The following GRAMD4 variants were observed in gnomAD, a reference collection of about 807,000 sequenced individuals.
GRAMD4 encodes the protein GRAM domain containing 4.
A neutral mutation model predicts 83.9 loss-of-function variants in GRAMD4; 25 were observed. That is an observed-to-expected ratio of 0.30 (90% CI 0.22 to 0.42). The LOEUF is 0.42. GRAMD4 is among the 10% of genes least tolerant of loss of function. The pLI, the probability that GRAMD4 is intolerant of heterozygous loss-of-function variation, is 1.00. For missense variants in GRAMD4, 593 were observed against 788.7 expected (o/e 0.75, Z 2.97); for synonymous variants, 336 against 320.9 (o/e 1.05, Z -0.50).
At chr22:46,673,560 C>G in intron 14 of GRAMD4, 110 bp from the exon 15 acceptor site, 1 of 1,370,146 alleles carries the variant, frequency 7.3e-7, no homozygotes, top group South Asian at 1.3e-5. Flanking sequence ...TCGGGAACGT[C>G]TTCCCAAATT....
chr22:46,674,218 CA>C (rs1381290131), intron 15 of GRAMD4, among the ~76,000 whole-genome samples: 2 of 152,188 alleles, frequency 1.3e-5, no homozygotes, highest in Admixed American at 6.5e-5. Context: ...TCAGCTTTCC[CA>C]AAGGGAGGGC....
chr22:46,590,327 G>C (rs961597947), intron 1 of GRAMD4, among the ~76,000 whole-genome samples: 1 of 152,138 alleles, frequency 6.6e-6, no homozygotes, highest in Non-Finnish European at 1.5e-5. Context: ...AAGGTGGCTA[G>C]TGGGTGGGGT....
At chr22:46,645,833 T>G (rs1275859296) in intron 3 of GRAMD4, among the ~76,000 whole-genome samples, 1 of 152,244 alleles carries the variant, frequency 6.6e-6, no homozygotes, top group Non-Finnish European at 1.5e-5. Flanking sequence ...TGCATTTCGG[T>G]TGCTAGTGCT....
At chr22:46,643,084 T>C (rs867426863) in intron 3 of GRAMD4, among the ~76,000 whole-genome samples, 23 of 76,408 alleles carry the variant, frequency 3.0e-4, no homozygotes, top group South Asian at 5.6e-4. Context: ...TCTATCCATT[T>C]ATCCATCCAT....
rs1010373561 is a variant in GRAMD4, at chr22:46,625,643, G to A, written c.-49-1108G>A. Among the ~76,000 whole-genome samples, 10 of 152,392 alleles carry A rather than the reference G, an allele frequency of 6.6e-5. No homozygotes were observed. The South Asian group carries it at 8.3e-4, about 13-fold the overall frequency. ...GGTGTGTACAGAGCAGTCCTCCCAC[G>A]GGGACCCAGTTGTCTTGGACAAGTT... On this transcript the variant is annotated intron_variant, in intron 1 of 18. Transcript: ENST00000406902.
chr22:46,629,064 C>G (rs2081723962), intron 2 of GRAMD4, among the ~76,000 whole-genome samples: 1 of 151,950 alleles, frequency 6.6e-6, no homozygotes, highest in Non-Finnish European at 1.5e-5. Flanking sequence ...TGGACTGGGG[C>G]CCCCCTTCCT....
At position 46,582,950 on chromosome 22, in the gene GRAMD4, G is replaced by A. The variant is rs541636472; in HGVS notation, c.-50+5660G>A. Among the ~76,000 whole-genome samples the A allele has an allele frequency of 8.6e-4, 131 of 152,280 alleles. 1 individual carries two copies. The highest frequency in any genetic ancestry group is 1.5e-3 in the Non-Finnish European group (99 of 68,034). On this transcript the variant is annotated intron_variant, in intron 1 of 1. Transcript: ENST00000431155. ...TCTCTCTTTTGTCTTTTGAGATGGA[G>A]TTTCGCTCTTGTTGCCCAGGCTGGA...
intron 2 of GRAMD4, among the ~76,000 whole-genome samples, chr22:46,637,201 C>T (rs2081903498): frequency 6.6e-6 from 1 of 151,806 alleles, no homozygotes; most frequent in Non-Finnish European, 1.5e-5. Context: ...CCTCTGCAGC[C>T]TGAGGAGATC....
intron 1 of GRAMD4, among the ~76,000 whole-genome samples, chr22:46,598,070 C>G (rs1035616892): frequency 7.2e-5 from 11 of 152,182 alleles, no homozygotes; most frequent in African/African-American, 1.7e-4. Context: ...CAACCTCCAC[C>G]TCCTGGGTTC....
downstream of GRAMD4, chr22:46,679,822 G>A (rs890902835): frequency 1.7e-5 from 17 of 982,402 alleles, no homozygotes; most frequent in South Asian, 9.4e-5. Flanking sequence ...AGGGCCACAC[G>A]CATTGTAGGC....
At position 46,641,392 on chromosome 22, in the gene GRAMD4, T is replaced by TAAGGAAGG. The variant is rs61099873; in HGVS notation, c.283+3455_283+3462dup. 4.0e-5 allele frequency among the ~76,000 whole-genome samples: 6 copies of TAAGGAAGG among 150,188 alleles called. No homozygotes were observed. The South Asian group carries it at 6.4e-4, about 16-fold the overall frequency. On this transcript the variant is annotated intron_variant, in intron 3 of 18. Coordinates refer to ENST00000406902, the MANE Select transcript of GRAMD4 (RefSeq NM_015124.5). ...GCGGCCCCATCTCTAAATAAATAAA[T>TAAGGAAGG]AAGGAAGGAAGGAAGGAAGGAAGGA...
rs572978488 is a variant in GRAMD4 at position 46,593,015 on chromosome 22, C to T, written c.-50+15725C>T. Among the ~76,000 whole-genome samples, 217 of 152,138 alleles carry T rather than the reference C, an allele frequency of 1.4e-3. 2 individuals are homozygous for T. The highest frequency in any genetic ancestry group is 4.5e-3 in the African/African-American group (185 of 41,500). ...ATAACCTAAATTAGAACTCTCCATG[C>T]GGGCTTTCAGAAAAGAAAGCATTTG... On this transcript the variant is annotated intron_variant, in intron 1 of 1. Transcript: ENST00000431155.
In GRAMD4 at chr22:46,677,164, C is replaced by T; in HGVS notation, c.1650C>T (p.Ala550=). 6.2e-7 allele frequency: 1 copy of T among 1,613,694 alleles called. No individual in the cohort carries two copies. Among genetic ancestry groups the T allele is most frequent in the Non-Finnish European group, 8.5e-7 (1 of 1,179,924 alleles). Residue 550 remains alanine, a synonymous_variant, in exon 19 of 19, where the codon GCC becomes GCT. Transcript: ENST00000406902. ...PSTQKPLVFG[A]MVHRDEAFET... is the part of the protein sequence containing the mutation. Reference sequence around the variant, plus strand: ...CCTGCCAGCCGCTCGTGTTTGGTGCCATGGTGCACAGGGATGAGGCCTTCG... The same window carrying T: ...CCTGCCAGCCGCTCGTGTTTGGTGCTATGGTGCACAGGGATGAGGCCTTCG...
At chr22:46,613,534 C>T (rs1380894444) in intron 1 of GRAMD4, among the ~76,000 whole-genome samples, 2 of 152,210 alleles carry the variant, frequency 1.3e-5, no homozygotes, top group Non-Finnish European at 2.9e-5. Flanking sequence ...TTGGGTCCTC[C>T]AGGCAGGGTG....
intron 1 of GRAMD4, among the ~76,000 whole-genome samples, chr22:46,607,901 C>T (rs1202430129): frequency 1.3e-5 from 2 of 152,168 alleles, no homozygotes; most frequent in African/African-American, 4.8e-5. Context: ...TGCGGTGCCG[C>T]GACTGCTCCT....
At chr22:46,670,232 AAGCCCGACCCT>A in intron 13 of GRAMD4, among the ~76,000 whole-genome samples, 1 of 152,370 alleles carries the variant, frequency 6.6e-6, no homozygotes, top group African/African-American at 2.4e-5. Context: ...ACCATAACGC[AAGCCCGACCCT>A]AGCCCTGACC....
intron 3 of GRAMD4, among the ~76,000 whole-genome samples, chr22:46,646,746 A>ACTCTG (rs1201644541): frequency 4.6e-5 from 7 of 151,916 alleles, no homozygotes; most frequent in African/African-American, 1.7e-4. Context: ...GAAAAGCTAA[A>ACTCTG]CTCTGTGTTA....
chr22:46,590,350 G>A (rs1026751431), intron 1 of GRAMD4, among the ~76,000 whole-genome samples: 5 of 152,166 alleles, frequency 3.3e-5, no homozygotes, highest in African/African-American at 1.2e-4. Context: ...GGGAGTACTG[G>A]GGACCTCTCC....
chr22:46,619,339 GT>G (rs2081542628), upstream of GRAMD4, among the ~76,000 whole-genome samples: 1 of 152,108 alleles, frequency 6.6e-6, no homozygotes, highest in South Asian at 2.1e-4. Context: ...TGGGGTGGAT[GT>G]TTTTGTTTTG....
Sources: allele counts gnomAD v4.1 joint callset (sites outside exome capture counted in the v4.1 genomes callset), GRCh38; gene constraint gnomAD v4.1.1; transcripts MANE v1.5; gene names NCBI Gene and HGNC (gene_info 2026-07-23, HGNC 2026-07-21).